PRMT5: variants seen among roughly 807,000 people sequenced by gnomAD.
PRMT5 encodes protein arginine N-methyltransferase 5.
A neutral mutation model predicts 84.0 loss-of-function variants in PRMT5; 15 were observed. The ratio of observed to expected loss-of-function variants is 0.18; its 90% CI spans 0.12 to 0.28. The LOEUF is 0.28. Ranked by LOEUF, PRMT5 falls within the 10% of genes least tolerant of loss-of-function variation. The pLI is 1.00. For synonymous variants in PRMT5, 276 were observed against 292.4 expected, an observed-to-expected ratio of 0.94 and a Z score of 0.57; for missense variants, 486 against 808.0, an observed-to-expected ratio of 0.60 and a Z score of 4.83.
In PRMT5 at chr14:22,924,182, G is replaced by T; in HGVS notation, c.1201C>A (p.Leu401Ile). 1 of 1,610,246 alleles carries T rather than the reference G, an allele frequency of 6.2e-7. No individual in the cohort carries two copies. The highest frequency in any genetic ancestry group is 1.1e-5 in the South Asian group (1 of 90,552). ...CATTCTTCAAACTGCCAGTTCTCTA[G>T]CCTGAAACAGAGACAATAAGGTAAG... is the stretch of plus-strand genomic sequence containing the variant. ...VEKNPNAVVT[L>I]ENWQFEEWGS... The change falls in exon 12 of 17, where the codon CTA becomes ATA. Residue 401 changes from leucine (L) to isoleucine (I), a missense_variant and splice_region_variant. By Grantham distance (5) the Leu-to-Ile change is conservative. Coordinates refer to ENST00000324366, the MANE Select transcript of PRMT5 (RefSeq NM_006109.5). The surrounding 1 kb of genome is among the most constrained non-coding windows in gnomAD (Gnocchi z 6.5).
At position 22,922,525 on chromosome 14, in the gene PRMT5, C is replaced by T. The variant is rs1290388886; in HGVS notation, c.1614G>A (p.Leu538=). 2 of 1,614,118 alleles carry T rather than the reference C, an allele frequency of 1.2e-6. No homozygotes were observed. Among genetic ancestry groups the T allele is most frequent in the Admixed American group, 3.3e-5 (2 of 60,020 alleles). The change falls in exon 15 of 17, where the codon TTG becomes TTA. Residue 538 remains leucine, a synonymous_variant. Coordinates refer to ENST00000324366, the MANE Select transcript of PRMT5 (RefSeq NM_006109.5). ...PMIDNNRYCT[L]EFPVEVNTVL... ...CTGTGTTCACCTCCACAGGAAATTC[C>T]AAGGTGCAATAGCGGTTGTTGTCAA...
rs142106213 is a variant in PRMT5 at position 22,922,382 on chromosome 14, C to T, written c.1696+61G>A. 6.7e-5 allele frequency: 97 copies of T among 1,453,760 alleles called. 4 individuals carry two copies. In the South Asian group the frequency reaches 7.8e-4, roughly 12 times the overall value. The allele number at this position is 1,453,760 out of a possible 1,614,324, so 90.1% of individuals were successfully genotyped here. A position where few individuals can be genotyped will look rare whatever the true frequency, so the allele number is the denominator to read the frequency against. ...CCCATAAATCTAAATGACACATGTA[C>T]ATATAAGCTGCCCAGGAAGCACACC... On this transcript the variant is annotated intron_variant, in intron 15 of 16. Transcript: ENST00000324366.
intron 5 of PRMT5, 67 bp from the exon 6 acceptor site, chr14:22,926,622 AG>A: frequency 6.2e-7 from 1 of 1,605,148 alleles, no homozygotes; most frequent in Non-Finnish European, 8.5e-7. Context: ...CAGCTCAAGG[AG>A]ACCTCCCTAC....
intron 4 of PRMT5, 121 bp downstream of exon 4, chr14:22,927,405 G>A (rs191373643): frequency 1.4e-5 from 19 of 1,395,630 alleles, no homozygotes; most frequent in African/African-American, 5.7e-5. Flanking sequence ...CACTGTGCCC[G>A]CCAATACTGA....
rs2044473576 is a variant in PRMT5 at position 22,928,373 on chromosome 14, A to C, written c.229+124T>G. 7 of 1,134,182 alleles carry C rather than the reference A, an allele frequency of 6.2e-6. No homozygotes were observed. The highest frequency in any genetic ancestry group is 9.2e-6 in the Non-Finnish European group (7 of 760,200). The allele number at this position is 1,134,182 out of a possible 1,614,324, so 70.3% of individuals were successfully genotyped here. On this transcript the variant is annotated intron_variant, in intron 2 of 16. Transcript: ENST00000324366. The surrounding 1 kb of genome is among the most constrained non-coding windows in gnomAD (Gnocchi z 4.8). ...AGAATAGAGAAGCAAGGAGAAAACAAGTTATCTATATCCCAGGGACTAACA... is the reference window on the plus strand; with the variant it reads ...AGAATAGAGAAGCAAGGAGAAAACACGTTATCTATATCCCAGGGACTAACA...
intron 3 of PRMT5, 94 bp from the exon 4 acceptor site, chr14:22,927,754 C>T: frequency 6.9e-7 from 1 of 1,440,102 alleles, no homozygotes; most frequent in Non-Finnish European, 9.3e-7. Flanking sequence ...GTCACCCAGG[C>T]TGGAGTGCAG....
chr14:22,926,412 A>C lies in PRMT5; in HGVS notation c.613+94T>G, dbSNP rs138240705. On this transcript the variant is annotated intron_variant, in intron 6 of 16. Coordinates refer to ENST00000324366, the MANE Select transcript of PRMT5 (RefSeq NM_006109.5). ...GAAAGCCAGTCTGAGACAGAGGGGA[A>C]GTAGCAAAATTGTATACTATATATG... The C allele has an allele frequency of 6.2e-4, 993 of 1,590,248 alleles. 6 individuals carry two copies. In the African/African-American group the frequency reaches 0.012, roughly 20 times the overall value.
rs2044417479 is a variant in PRMT5, at chr14:22,926,296, G to A, written c.614C>T (p.Ala205Val). ...LCDYSKRIAV[A>V]LEIGADLPSN... ...TGGGAGGTCAGCCCCAATTTCAAGAGCTACATGAGGCAAAAGAAAAACTGT... is the reference window on the plus strand; with the variant it reads ...TGGGAGGTCAGCCCCAATTTCAAGAACTACATGAGGCAAAAGAAAAACTGT... Residue 205 changes from alanine (A) to valine (V), a missense_variant and splice_region_variant, in exon 7 of 17, where the codon GCT becomes GTT. Coordinates refer to ENST00000324366, the MANE Select transcript of PRMT5 (RefSeq NM_006109.5). 6.2e-7 allele frequency: 1 copy of A among 1,612,756 alleles called. No individual in the cohort carries two copies. The highest frequency in any genetic ancestry group is 8.5e-7 in the Non-Finnish European group (1 of 1,179,404).
intron 16 of PRMT5, 32 bp from the exon 17 acceptor site, chr14:22,921,088 G>C (rs758768730): frequency 6.2e-7 from 1 of 1,612,264 alleles, no homozygotes; most frequent in Non-Finnish European, 8.5e-7. Flanking sequence ...GGTTCAGGGT[G>C]AAGCTATGAA....
Position 22,923,356 on chromosome 14 carries a change from A to G in PRMT5, c.1376-196T>C, listed in dbSNP as rs1001981358. The G allele has an allele frequency of 9.5e-6, 5 of 525,588 alleles. No homozygotes were observed. Among genetic ancestry groups the G allele is most frequent in the Non-Finnish European group, 1.3e-5 (4 of 298,346 alleles). 32.6% of individuals were successfully genotyped at this position (525,588 alleles called of 1,614,324 possible). ...AACTACTGTCATGGAGGATTCCACT[A>G]CTAGGTTAATTTACAGAGTCACACA... On this transcript the variant is annotated intron_variant, in intron 12 of 16. Transcript: ENST00000324366. This position sits in a 1 kb window ranked among gnomAD's most constrained non-coding sequence, Gnocchi z 5.2.
chr14:22,924,595 G>A lies in PRMT5; in HGVS notation c.1017+37C>T, dbSNP rs376589821. 61 of 1,612,256 alleles carry A rather than the reference G, an allele frequency of 3.8e-5. No individual in the cohort carries two copies. The highest frequency in any genetic ancestry group is 9.4e-5 in the African/African-American group (7 of 74,844). On this transcript the variant is annotated intron_variant, in intron 9 of 16. Transcript: ENST00000324366. The surrounding 1 kb of genome is among the most constrained non-coding windows in gnomAD (Gnocchi z 6.5). ...ATCCCATCCTCCCCAGGTCATGCTG[G>A]CCCTGTGCTTTCCTCACCCTGGGCA...
At position 22,920,533 on chromosome 14, in the gene PRMT5, G is replaced by T. The variant is rs1594502972; in HGVS notation, c.*371C>A. Reference sequence around the variant, plus strand: ...TGGCAGGGGGCAGCATGGTCGTGCAGTAAAGGGCTATAACTTTATTTGTAT... The same window carrying T: ...TGGCAGGGGGCAGCATGGTCGTGCATTAAAGGGCTATAACTTTATTTGTAT... On this transcript the variant is annotated 3_prime_UTR_variant, in exon 17 of 17. Transcript: ENST00000324366. 3 of 419,250 alleles carry T rather than the reference G, an allele frequency of 7.2e-6. No homozygotes were observed. The highest frequency in any genetic ancestry group is 4.1e-5 in the African/African-American group (2 of 48,784). The allele number at this position is 419,250 out of a possible 1,614,324, so 26.0% of individuals were successfully genotyped here.
At chr14:22,927,483 G>A (rs780302748) in intron 4 of PRMT5, 43 bp downstream of exon 4, 12 of 1,611,048 alleles carry the variant, frequency 7.4e-6, no homozygotes, top group Non-Finnish European at 1.0e-5. Flanking sequence ...AGCACAATCT[G>A]ACTACTATGA....
rs760633672 is a variant in PRMT5, at chr14:22,923,566, T to C, written c.1376-406A>G. Among the ~76,000 whole-genome samples, 1 of 152,100 alleles carries C rather than the reference T, an allele frequency of 6.6e-6. No homozygotes were observed. Among genetic ancestry groups the C allele is most frequent in the Non-Finnish European group, 1.5e-5 (1 of 68,026 alleles). Reference sequence around the variant, plus strand: ...TCTCGCTCTGTTGCCCAGGCTGGAGTGCAGTGGCACAATCTCAGCTCACTG... The same window carrying C: ...TCTCGCTCTGTTGCCCAGGCTGGAGCGCAGTGGCACAATCTCAGCTCACTG... On this transcript the variant is annotated intron_variant, in intron 12 of 16. Coordinates refer to ENST00000324366, the MANE Select transcript of PRMT5 (RefSeq NM_006109.5). The surrounding 1 kb of genome is among the most constrained non-coding windows in gnomAD (Gnocchi z 5.2).
chr14:22,924,057 G>A lies in PRMT5; in HGVS notation c.1326C>T (p.Asp442=). The part of the protein sequence containing the change: ...IVSELLGSFA[D]NELSPECLDG... ...CCAGGCACTCAGGCGACAATTCATT[G>A]TCAGCAAATGAGCCCAGAAGCTCAC... is the stretch of plus-strand genomic sequence containing the variant. Residue 442 remains aspartate, a synonymous_variant, in exon 12 of 17, where the codon GAC becomes GAT. Coordinates refer to ENST00000324366, the MANE Select transcript of PRMT5 (RefSeq NM_006109.5). This position sits in a 1 kb window ranked among gnomAD's most constrained non-coding sequence, Gnocchi z 6.5. 6.2e-7 allele frequency: 1 copy of A among 1,604,232 alleles called. No individual in the cohort carries two copies. Among genetic ancestry groups the A allele is most frequent in the Non-Finnish European group, 8.5e-7 (1 of 1,175,878 alleles).
intron 5 of PRMT5, 26 bp from the exon 6 acceptor site, chr14:22,926,581 C>G (rs762475790): frequency 1.2e-6 from 2 of 1,613,806 alleles, no homozygotes; most frequent in African/African-American, 2.7e-5. Context: ...CAGAAAAGTA[C>G]AGTAAACTAG....
chr14:22,921,602 A>G (rs969815051), intron 16 of PRMT5, among the ~76,000 whole-genome samples: 10 of 152,192 alleles, frequency 6.6e-5, no homozygotes, highest in South Asian at 2.1e-4. Context: ...AGATAAGATC[A>G]GGCCAGGCGC....
rs761329156 is a variant in PRMT5 at position 22,929,322 on chromosome 14, C to G, written c.40G>C (p.Val14Leu). 2 of 1,612,324 alleles carry G rather than the reference C, an allele frequency of 1.2e-6. No homozygotes were observed. Among genetic ancestry groups the G allele is most frequent in the Non-Finnish European group, 1.7e-6 (2 of 1,179,692 alleles). The change falls in exon 1 of 17, where the codon GTG becomes CTG. Residue 14 changes from valine (V) to leucine (L), a missense_variant. This residue lies in a region of PRMT5 where 51 missense variants were observed against 53.8 expected (regional missense o/e 0.95). Coordinates refer to ENST00000324366, the MANE Select transcript of PRMT5 (RefSeq NM_006109.5). ...MAVGGAGGSR[V>L]SSGRDLNCVP... Reference sequence around the variant, plus strand: ...CAATTCAGGTCCCTCCCGCTGGACACGCGGCTCCCACCAGCACCCCCGACC... The same window carrying G: ...CAATTCAGGTCCCTCCCGCTGGACAGGCGGCTCCCACCAGCACCCCCGACC...
rs2044422144 is a variant in PRMT5 at position 22,926,493 on chromosome 14, CT to C, written c.613+12del. On this transcript the variant is annotated intron_variant, in intron 6 of 16. Coordinates refer to ENST00000324366, the MANE Select transcript of PRMT5 (RefSeq NM_006109.5). ...GAGAAGCCACACCCATCCCAGGATT[CT>C]CATGGACTCACCCACTGCAATCCTC... is the stretch of plus-strand genomic sequence containing the variant. 1.9e-6 allele frequency: 3 copies of C among 1,613,962 alleles called. No homozygotes were observed. Among genetic ancestry groups the C allele is most frequent in the Admixed American group, 1.7e-5 (1 of 59,994 alleles).
Sources: gnomAD v4.1 joint callset for allele counts (sites outside exome capture counted in the v4.1 genomes callset) on GRCh38, gnomAD v4.1.1 for gene constraint, gnomAD v4.1.1 regional missense constraint, Gnocchi (gnomAD v3.1) non-coding constraint, MANE v1.5 for transcripts, NCBI Gene and HGNC (gene_info 2026-07-23, HGNC 2026-07-21) for gene names.